ROBO2: variants seen among roughly 807,000 people sequenced by gnomAD.
ROBO2 encodes the protein roundabout guidance receptor 2, also known as roundabout homolog 2.
ROBO2 carries 53 observed loss-of-function variants against 160.8 expected under a neutral mutation model. The observed-to-expected ratio is 0.33, with a 90% CI of 0.26 to 0.41. ROBO2 has a LOEUF of 0.41. ROBO2 is among the 10% of genes least tolerant of loss of function. ROBO2 has a pLI of 1.00. For synonymous variants in ROBO2, 664 were observed against 611.7 expected, an observed-to-expected ratio of 1.09 and a Z score of -1.26; for missense variants, 1,577 against 1,722.4, an observed-to-expected ratio of 0.92 and a Z score of 1.49.
chr3:76,508,103 G>A (rs904508478), intron 2 of ROBO2, among the ~76,000 whole-genome samples: 20 of 152,038 alleles, frequency 1.3e-4, no homozygotes, highest in South Asian at 4.2e-4. Flanking sequence ...TTTCAAGTAC[G>A]GTGTGACTTT....
chr3:76,248,970 T>C (rs936951688), intron 2 of ROBO2, among the ~76,000 whole-genome samples: 1 of 152,146 alleles, frequency 6.6e-6, no homozygotes, highest in Non-Finnish European at 1.5e-5. Context: ...TCTAACATGA[T>C]TGACTGATTT....
At chr3:77,216,094 C>T (rs2151147051) in intron 2 of ROBO2, among the ~76,000 whole-genome samples, 1 of 152,324 alleles carries the variant, frequency 6.6e-6, no homozygotes, top group East Asian at 1.9e-4. Context: ...AGAACGACTA[C>T]TCTCTTCAAA....
At chr3:76,871,277 G>A (rs893189593) in intron 2 of ROBO2, among the ~76,000 whole-genome samples, 8 of 152,240 alleles carry the variant, frequency 5.3e-5, no homozygotes, top group East Asian at 3.9e-4. Flanking sequence ...ACCTCTGGCC[G>A]GGCGCGGTGG....
At chr3:76,212,827 G>T (rs1355288972) in intron 2 of ROBO2, among the ~76,000 whole-genome samples, 1 of 137,422 alleles carries the variant, frequency 7.3e-6, no homozygotes, top group African/African-American at 2.7e-5. Flanking sequence ...AGATACCTTG[G>T]TACTAACCCA....
At chr3:76,229,787 A>G (rs537455279) in intron 2 of ROBO2, among the ~76,000 whole-genome samples, 118 of 152,322 alleles carry the variant, frequency 7.7e-4, no homozygotes, top group Non-Finnish European at 1.5e-3. Flanking sequence ...ATCTATTTAT[A>G]CAATTATATT....
rs184196482 is a variant in ROBO2, at chr3:76,548,944, A to T, written c.110-549070A>T. The stretch of plus-strand genomic sequence containing the variant: ...AGTAGTCAAATCCACAGTTTGTGCA[A>T]TTCAATTTCCTAATCCCTGAAGACA... On this transcript the variant is annotated intron_variant, in intron 2 of 26. Coordinates refer to the ROBO2 transcript ENST00000487694. Among the ~76,000 whole-genome samples the T allele has an allele frequency of 9.4e-4, 143 of 152,266 alleles. 1 individual carries two copies. Among genetic ancestry groups the T allele is most frequent in the African/African-American group, 3.3e-3 (138 of 41,564 alleles).
chr3:76,890,311 C>T (rs2074250525), intron 2 of ROBO2, among the ~76,000 whole-genome samples: 1 of 152,150 alleles, frequency 6.6e-6, no homozygotes, highest in Non-Finnish European at 1.5e-5. Context: ...AGAATGAAAT[C>T]AACAGCATCC....
At chr3:76,355,560 C>T (rs1053256181) in intron 2 of ROBO2, among the ~76,000 whole-genome samples, 2 of 151,652 alleles carry the variant, frequency 1.3e-5, no homozygotes, top group African/African-American at 2.4e-5. Flanking sequence ...ATATTCTAAC[C>T]TATATATTCA....
At chr3:76,951,430 TGA>T (rs966782019) in intron 2 of ROBO2, among the ~76,000 whole-genome samples, 1 of 152,226 alleles carries the variant, frequency 6.6e-6, no homozygotes, top group Non-Finnish European at 1.5e-5. Context: ...ATAATGTATT[TGA>T]AATTAGATTT....
At chr3:76,282,097 T>A (rs747118391) in intron 2 of ROBO2, among the ~76,000 whole-genome samples, 6 of 152,014 alleles carry the variant, frequency 3.9e-5, no homozygotes, top group Non-Finnish European at 8.8e-5. Context: ...AGATGAGTAT[T>A]ATAAAATCTT....
intron 2 of ROBO2, among the ~76,000 whole-genome samples, chr3:75,949,920 T>G (rs1948472536): frequency 6.6e-6 from 1 of 152,100 alleles, no homozygotes; most frequent in Non-Finnish European, 1.5e-5. Flanking sequence ...TGCTAAATCA[T>G]TTGCAAACAA....
intron 2 of ROBO2, among the ~76,000 whole-genome samples, chr3:76,591,278 C>T (rs1395904630): frequency 6.6e-6 from 1 of 152,078 alleles, no homozygotes; most frequent in Non-Finnish European, 1.5e-5. Flanking sequence ...AGCGGATCCT[C>T]ATAAAGGACT....
intron 2 of ROBO2, among the ~76,000 whole-genome samples, chr3:76,135,869 G>A (rs1411601291): frequency 6.6e-6 from 1 of 151,980 alleles, no homozygotes; most frequent in Non-Finnish European, 1.5e-5. Context: ...GATGAATTTT[G>A]CGTGTGCTGA....
chr3:77,613,714 G>A (rs1490772998), intron 21 of ROBO2, among the ~76,000 whole-genome samples: 2 of 152,228 alleles, frequency 1.3e-5, no homozygotes, highest in Non-Finnish European at 1.5e-5. Flanking sequence ...TATATTAGAT[G>A]TAACAAAACA....
intron 2 of ROBO2, among the ~76,000 whole-genome samples, chr3:76,591,751 G>A (rs959520219): frequency 6.6e-6 from 1 of 151,972 alleles, no homozygotes; most frequent in African/African-American, 2.4e-5. Context: ...ACTAAACATT[G>A]CAGAAAAATG....
chr3:76,744,850 T>G (rs1266834229), intron 2 of ROBO2, among the ~76,000 whole-genome samples: 1 of 152,194 alleles, frequency 6.6e-6, no homozygotes, highest in Admixed American at 6.5e-5. Context: ...TGAAAAGAAT[T>G]TGTGCTATGA....
intron 2 of ROBO2, among the ~76,000 whole-genome samples, chr3:77,267,641 T>C (rs897527426): frequency 2.0e-5 from 3 of 152,194 alleles, no homozygotes; most frequent in Admixed American, 1.3e-4. Context: ...AGTTTATTTG[T>C]AGTGGGACTG....
chr3:76,818,765 G>C (rs148935795), intron 2 of ROBO2, among the ~76,000 whole-genome samples: 1 of 152,144 alleles, frequency 6.6e-6, no homozygotes, highest in African/African-American at 2.4e-5. Context: ...TCAGTTGGCT[G>C]TAAGTTTTTG....
At chr3:76,580,935 A>C (rs538550822) in intron 2 of ROBO2, among the ~76,000 whole-genome samples, 1 of 152,308 alleles carries the variant, frequency 6.6e-6, no homozygotes, top group African/African-American at 2.4e-5. Context: ...TCCTTTTGTG[A>C]GACTAGAACA....
Sources: gnomAD v4.1 joint callset for allele counts (sites outside exome capture counted in the v4.1 genomes callset) on GRCh38, gnomAD v4.1.1 for gene constraint, MANE v1.5 for transcripts, NCBI Gene and HGNC (gene_info 2026-07-23, HGNC 2026-07-21) for gene names.